The following MAEA variants were observed in gnomAD, a reference collection of about 807,000 sequenced individuals.
MAEA encodes macrophage erythroblast attacher, E3 ubiquitin ligase, also known as E3 ubiquitin-protein transferase MAEA.
A neutral mutation model predicts 46.2 loss-of-function variants in MAEA; 22 were observed. The observed-to-expected ratio is 0.48, with a 90% CI of 0.34 to 0.68. The LOEUF is 0.68. MAEA is among the 30% of genes least tolerant of loss of function. MAEA has a pLI of 0.01. For missense variants in MAEA, 393 were observed against 558.1 expected, an observed-to-expected ratio of 0.70 and a Z score of 2.98; for synonymous variants, 246 against 222.6, an observed-to-expected ratio of 1.11 and a Z score of -0.94.
In MAEA at chr4:1,311,838, A is replaced by G; in HGVS notation, c.70-141A>G. On this transcript the variant is annotated intron_variant, in intron 1 of 8. Transcript: ENST00000303400. This position sits in a 1 kb window ranked among gnomAD's most constrained non-coding sequence, Gnocchi z 4.4. ...TTTGTGGGTCTTGGTTGAGGTTTAG[A>G]GTAGATACTTTTGAGACCATGAACC... The G allele has an allele frequency of 1.4e-6, 1 of 715,186 alleles. No homozygotes were observed. Among genetic ancestry groups the G allele is most frequent in the Non-Finnish European group, 2.3e-6 (1 of 429,406 alleles). 44.3% of individuals were successfully genotyped at this position (715,186 alleles called of 1,614,324 possible).
chr4:1,322,864 C>T lies in MAEA; in HGVS notation c.579+361C>T, dbSNP rs566114287. Reference sequence around the variant, plus strand: ...GGCTCCCTGTGCTCAGTCATAGACACAGAAAAGCTGGTTGGGAAGTCATTC... The same window carrying T: ...GGCTCCCTGTGCTCAGTCATAGACATAGAAAAGCTGGTTGGGAAGTCATTC... On this transcript the variant is annotated intron_variant, in intron 4 of 8. Coordinates refer to ENST00000303400, the MANE Select transcript of MAEA (RefSeq NM_001017405.3). Among the ~76,000 whole-genome samples the T allele has an allele frequency of 9.8e-4, 145 of 148,544 alleles. 2 individuals are homozygous for T. In the Middle Eastern group the frequency reaches 0.021, roughly 21 times the overall value.
At chr4:1,313,277 A>G (rs932775972) in intron 2 of MAEA, among the ~76,000 whole-genome samples, 6 of 152,322 alleles carry the variant, frequency 3.9e-5, no homozygotes, top group Admixed American at 3.9e-4. Flanking sequence ...TTAGATTCTC[A>G]GTTTTCAAGT....
intron 6 of MAEA, 108 bp downstream of exon 6, chr4:1,332,973 C>G (rs1340851120): frequency 4.3e-6 from 3 of 705,134 alleles, no homozygotes; most frequent in Non-Finnish European, 6.9e-6. Flanking sequence ...GGGCCCCATC[C>G]CAGCCACACA....
rs755799000 is a variant in MAEA, at chr4:1,312,143, C to T, written c.234C>T (p.Leu78=). ...TGCTGGACGGCGTGGTGGAGAAGCT[C>T]AGCGTCCTCAAGAGGAAGGTTGGTC... is the stretch of plus-strand genomic sequence containing the variant. ...VSLLDGVVEK[L]SVLKRKAVES... The change falls in exon 2 of 9, where the codon CTC becomes CTT. Residue 78 remains leucine, a synonymous_variant. Coordinates refer to ENST00000303400, the MANE Select transcript of MAEA (RefSeq NM_001017405.3). 1.9e-6 allele frequency: 3 copies of T among 1,613,820 alleles called. No homozygotes were observed. The highest frequency in any genetic ancestry group is 1.7e-6 in the Non-Finnish European group (2 of 1,180,050).
At chr4:1,335,257 G>C (rs1274707657) in intron 6 of MAEA, 1 of 985,358 alleles carries the variant, frequency 1.0e-6, no homozygotes, top group African/African-American at 1.7e-5. Flanking sequence ...TACACCTAAT[G>C]CTCTGAGGTG....
chr4:1,304,835 A>G (rs4974593), intron 1 of MAEA, among the ~76,000 whole-genome samples: 13,565 of 152,254 alleles, frequency 0.089, 1,282 homozygotes, highest in East Asian at 0.42. Context: ...TCTTTGTACT[A>G]TGGCTACTAG....
At chr4:1,313,678 G>A (rs1189326669) in intron 2 of MAEA, among the ~76,000 whole-genome samples, 1 of 151,824 alleles carries the variant, frequency 6.6e-6, no homozygotes, top group Admixed American at 6.6e-5. Flanking sequence ...AGTGAGCCAC[G>A]ATCATGCCAC....
At chr4:1,338,362 G>A in intron 7 of MAEA, 60 bp from the exon 8 acceptor site, 1 of 1,417,082 alleles carries the variant, frequency 7.1e-7, no homozygotes. Context: ...GGCCACAGGG[G>A]GCTGGGCTCA....
At chr4:1,325,753 G>A (rs895306934) in intron 4 of MAEA, among the ~76,000 whole-genome samples, 1 of 152,066 alleles carries the variant, frequency 6.6e-6, no homozygotes, top group Non-Finnish European at 1.5e-5. Context: ...TGAAGGGAGC[G>A]GAGTGCTGAC....
intron 1 of MAEA, among the ~76,000 whole-genome samples, chr4:1,292,874 A>G (rs1471434974): frequency 1.3e-5 from 2 of 148,562 alleles, no homozygotes; most frequent in African/African-American, 2.5e-5. Context: ...GGAAAGATGA[A>G]TAACTCACCA....
At chr4:1,318,608 G>A (rs1000314311) in intron 3 of MAEA, among the ~76,000 whole-genome samples, 2 of 152,164 alleles carry the variant, frequency 1.3e-5, no homozygotes, top group African/African-American at 4.8e-5. Context: ...AGATGCTCCG[G>A]AGGGCGTTGA....
At chr4:1,298,476 G>C (rs574996235) in intron 1 of MAEA, among the ~76,000 whole-genome samples, 1 of 152,334 alleles carries the variant, frequency 6.6e-6, no homozygotes, top group South Asian at 2.1e-4. Flanking sequence ...GGTCCCCTCT[G>C]TCTGAGCCAG....
intron 6 of MAEA, 135 bp from the exon 7 acceptor site, chr4:1,336,726 T>C (rs1712815762): frequency 1.4e-6 from 1 of 725,350 alleles, no homozygotes; most frequent in South Asian, 1.8e-5. Context: ...GTGCTGACCC[T>C]TAGTGCAAAG....
At position 1,320,736 on chromosome 4, in the gene MAEA, G is replaced by A. The variant is rs535693473; in HGVS notation, c.457-1645G>A. Among the ~76,000 whole-genome samples the A allele has an allele frequency of 6.1e-4, 92 of 151,910 alleles. 1 individual carries two copies. The highest frequency in any genetic ancestry group is 1.0e-3 in the Non-Finnish European group (70 of 67,972). On this transcript the variant is annotated intron_variant, in intron 3 of 8. Coordinates refer to ENST00000303400, the MANE Select transcript of MAEA (RefSeq NM_001017405.3). Reference sequence around the variant, plus strand: ...AAGAAGACGCTATGAAGGGGCTTCAGAAAAGAAATCATCAAAGCGAACATG... The same window carrying A: ...AAGAAGACGCTATGAAGGGGCTTCAAAAAAGAAATCATCAAAGCGAACATG...
rs1733917379 is a variant in MAEA at position 1,289,944 on chromosome 4, T to C, written c.31T>C (p.Ser11Pro). 1.2e-6 allele frequency: 2 copies of C among 1,602,328 alleles called. No individual in the cohort carries two copies. Among genetic ancestry groups the C allele is most frequent in the African/African-American group, 1.3e-5 (1 of 74,516 alleles). ...GGTGCAGGAGTCGGCGGCTCAGTTG[T>C]CCATGACCCTGAAGGTCCAGGAGTA... MAVQESAAQL[S>P]MTLKVQEYPT... The change falls in exon 1 of 9, where the codon TCC becomes CCC. Residue 11 changes from serine to proline, a missense_variant. Transcript: ENST00000303400.
rs1236529873 is a variant in MAEA at position 1,293,051 on chromosome 4, GC to G, written c.69+3072del. Among the ~76,000 whole-genome samples the G allele has an allele frequency of 2.6e-5, 4 of 151,990 alleles. No homozygotes were observed. The South Asian group carries it at 6.2e-4, about 24-fold the overall frequency. ...TGAGATTACAGGCACCCGCCACCATGCCCAGCTAATTTTTTGTATTTTTTAG... is the reference window on the plus strand; with the variant it reads ...TGAGATTACAGGCACCCGCCACCATGCCAGCTAATTTTTTGTATTTTTTAG... On this transcript the variant is annotated intron_variant, in intron 1 of 8. Coordinates refer to ENST00000303400, the MANE Select transcript of MAEA (RefSeq NM_001017405.3).
intron 3 of MAEA, among the ~76,000 whole-genome samples, chr4:1,319,981 AAAAG>A (rs1737822161): frequency 6.6e-6 from 1 of 151,478 alleles, no homozygotes; most frequent in African/African-American, 2.4e-5. Context: ...GGGGCTTCAG[AAAAG>A]AATCATCAAA....
intron 1 of MAEA, among the ~76,000 whole-genome samples, chr4:1,297,624 C>T (rs772881126): frequency 6.6e-6 from 1 of 152,198 alleles, no homozygotes; most frequent in Admixed American, 6.5e-5. Flanking sequence ...GCCTGCATCT[C>T]TCTGTGCTTT....
rs571920075 is a variant in MAEA at position 1,318,732 on chromosome 4, C to T, written c.456+3132C>T. Among the ~76,000 whole-genome samples the T allele has an allele frequency of 1.2e-3, 182 of 152,306 alleles. 2 individuals are homozygous for T. Among genetic ancestry groups the T allele is most frequent in the African/African-American group, 3.4e-3 (142 of 41,568 alleles). ...TGTGGAAATGTAAACCCCGGCTGCGCTGGTCAGACCTGGACTTCCTGTAGG... is the reference window on the plus strand; with the variant it reads ...TGTGGAAATGTAAACCCCGGCTGCGTTGGTCAGACCTGGACTTCCTGTAGG... On this transcript the variant is annotated intron_variant, in intron 3 of 8. Coordinates refer to ENST00000303400, the MANE Select transcript of MAEA (RefSeq NM_001017405.3).
Sources: gnomAD v4.1 joint callset for allele counts (sites outside exome capture counted in the v4.1 genomes callset) on GRCh38, gnomAD v4.1.1 for gene constraint, Gnocchi (gnomAD v3.1) non-coding constraint, MANE v1.5 for transcripts, NCBI Gene and HGNC (gene_info 2026-07-23, HGNC 2026-07-21) for gene names.